The following TJP1 variants were observed in gnomAD, a reference collection of about 807,000 sequenced individuals.
The protein encoded by TJP1 is tight junction protein ZO-1.
In TJP1, 43 loss-of-function variants were observed where a neutral mutation model predicts 194.2. That is an observed-to-expected ratio of 0.22 (90% CI 0.17 to 0.29). The LOEUF (loss-of-function observed/expected upper bound fraction) is 0.29. Ranked by LOEUF, TJP1 falls within the 10% of genes least tolerant of loss-of-function variation. The pLI, the probability that TJP1 is intolerant of heterozygous loss-of-function variation, is 1.00. For synonymous variants in TJP1, 801 were observed against 779.0 expected (o/e 1.03, Z -0.47); for missense variants, 1,971 against 2,185.7 (o/e 0.90, Z 1.96).
Position 29,711,044 on chromosome 15 carries a change from A to G in TJP1, c.4203-44T>C, listed in dbSNP as rs754080704. Reference sequence around the variant, plus strand: ...AATGCCAACACCTGAAAATGGACTCACATTTACAAAACAAGTTCTCATTTC... The same window carrying G: ...AATGCCAACACCTGAAAATGGACTCGCATTTACAAAACAAGTTCTCATTTC... On this transcript the variant is annotated intron_variant, in intron 23 of 27. Coordinates refer to ENST00000614355, the MANE Select transcript of TJP1 (RefSeq NM_001330239.4). 5 of 1,512,468 alleles carry G rather than the reference A, an allele frequency of 3.3e-6. No homozygotes were observed. The South Asian group carries it at 6.8e-5, about 21-fold the overall frequency. 93.7% of individuals were successfully genotyped at this position (1,512,468 alleles called of 1,614,324 possible). A position where few individuals can be genotyped will look rare whatever the true frequency, so the allele number is the denominator to read the frequency against.
chr15:29,736,404 C>T (rs1475663918), intron 11 of TJP1, among the ~76,000 whole-genome samples: 1 of 152,152 alleles, frequency 6.6e-6, no homozygotes, highest in Non-Finnish European at 1.5e-5. Context: ...GAGGCTGAAT[C>T]CAGGACACTG....
At chr15:29,770,316 G>C (rs1041881987) in intron 4 of TJP1, among the ~76,000 whole-genome samples, 5 of 151,686 alleles carry the variant, frequency 3.3e-5, no homozygotes, top group Admixed American at 6.6e-5. Context: ...GGTAGCGGTC[G>C]CCTGTAATCC....
At chr15:29,814,804 C>T (rs1282011933) in intron 1 of TJP1, among the ~76,000 whole-genome samples, 2 of 152,152 alleles carry the variant, frequency 1.3e-5, no homozygotes, top group African/African-American at 4.8e-5. Context: ...ACTCACTTCC[C>T]AGTATTTTCA....
chr15:29,811,812 T>G (rs1175912118), intron 1 of TJP1, among the ~76,000 whole-genome samples: 2 of 152,086 alleles, frequency 1.3e-5, no homozygotes, highest in African/African-American at 4.8e-5. Flanking sequence ...CCACAAAACA[T>G]CTTGCTGGGC....
chr15:29,822,197 A>G lies in TJP1; in HGVS notation c.-169T>C, dbSNP rs1327959981. ...CAGGGGGAGGGAATTCAACTCGGACAAAAGTCCGGGAAGCGCCCGCCCCGC... is the reference window on the plus strand; with the variant it reads ...CAGGGGGAGGGAATTCAACTCGGACGAAAGTCCGGGAAGCGCCCGCCCCGC... On this transcript the variant is annotated 5_prime_UTR_variant, in exon 1 of 28. Coordinates refer to ENST00000614355, the MANE Select transcript of TJP1 (RefSeq NM_001330239.4). 2.5e-5 allele frequency: 30 copies of G among 1,179,216 alleles called. No homozygotes were observed. The highest frequency in any genetic ancestry group is 3.1e-5 in the Non-Finnish European group (30 of 954,128). The allele number at this position is 1,179,216 out of a possible 1,614,324, so 73.0% of individuals were successfully genotyped here.
Position 29,705,605 on chromosome 15 carries a change from G to C in TJP1, c.4991C>G (p.Pro1664Arg), listed in dbSNP as rs1339329686. ...VSIIIPQGAIPEGVEQEIYFK... is the reference protein window; with the variant it reads ...VSIIIPQGAIREGVEQEIYFK... ...ATAGATTTCCTGCTCAACTCCTTCGGGAATGGCTCCTTGAGGGATAATTAT... is the reference window on the plus strand; with the variant it reads ...ATAGATTTCCTGCTCAACTCCTTCGCGAATGGCTCCTTGAGGGATAATTAT... The change falls in exon 26 of 28, where the codon CCC (proline) becomes CGC (arginine). Residue 1664 changes from proline (P) to arginine (R), a missense_variant. By Grantham distance (103) the Pro-to-Arg change is moderately radical. Coordinates refer to ENST00000614355, the MANE Select transcript of TJP1 (RefSeq NM_001330239.4). 2 of 1,614,188 alleles carry C rather than the reference G, an allele frequency of 1.2e-6. No individual in the cohort carries two copies.
intron 2 of TJP1, among the ~76,000 whole-genome samples, chr15:29,899,502 G>C (rs1164411017): frequency 6.6e-6 from 1 of 152,144 alleles, no homozygotes; most frequent in African/African-American, 2.4e-5. Context: ...AAGATGTGGT[G>C]GCAGGGAAAG....
At chr15:29,778,267 T>A (rs973763466) in intron 2 of TJP1, among the ~76,000 whole-genome samples, 1 of 151,908 alleles carries the variant, frequency 6.6e-6, no homozygotes, top group African/African-American at 2.4e-5. Flanking sequence ...TCAAAACTGC[T>A]TGCTGATGCA....
At chr15:29,816,848 AT>A (rs951835469) in intron 1 of TJP1, among the ~76,000 whole-genome samples, 1 of 152,238 alleles carries the variant, frequency 6.6e-6, no homozygotes, top group Admixed American at 6.5e-5. Flanking sequence ...ACCCAAAACC[AT>A]AAAAACCCTA....
intron 2 of TJP1, among the ~76,000 whole-genome samples, chr15:29,949,472 ACCT>A (rs1596310241): frequency 1.1e-5 from 1 of 91,200 alleles, no homozygotes; most frequent in African/African-American, 4.8e-5. Flanking sequence ...CACCACCACC[ACCT>A]CCACAACCAC....
rs529194854 is a variant in TJP1 at position 29,800,875 on chromosome 15, A to T, written c.28-173T>A. On this transcript the variant is annotated intron_variant, in intron 1 of 27. Coordinates refer to ENST00000614355, the MANE Select transcript of TJP1 (RefSeq NM_001330239.4). ...GGAAAGTTTTTTGTTTGCTTTTAAG[A>T]GACAGGAAACGACACACAGGAACTT... Among the ~76,000 whole-genome samples the T allele has an allele frequency of 6.6e-5, 10 of 152,350 alleles. No homozygotes were observed. In the South Asian group the frequency reaches 2.1e-3, roughly 32 times the overall value.
At chr15:29,843,867 T>G (rs962103244) in intron 2 of TJP1, among the ~76,000 whole-genome samples, 1 of 152,038 alleles carries the variant, frequency 6.6e-6, no homozygotes, top group African/African-American at 2.4e-5. Context: ...GTGAGTCACA[T>G]GTACATCCAG....
chr15:29,946,094 A>T (rs1596304079), intron 2 of TJP1, among the ~76,000 whole-genome samples: 1 of 152,218 alleles, frequency 6.6e-6, no homozygotes, highest in East Asian at 1.9e-4. Context: ...ATTGAAAGGG[A>T]CATGTCACAA....
chr15:29,904,115 G>A (rs982418616), intron 2 of TJP1, among the ~76,000 whole-genome samples: 17 of 152,100 alleles, frequency 1.1e-4, no homozygotes, highest in Non-Finnish European at 4.4e-5. Context: ...GATAAAGGAC[G>A]GAGACCAGGG....
intron 2 of TJP1, among the ~76,000 whole-genome samples, chr15:29,894,600 C>T (rs1042087303): frequency 6.6e-6 from 1 of 152,222 alleles, no homozygotes; most frequent in Non-Finnish European, 1.5e-5. Context: ...TTGCTGAGCA[C>T]AGCCCAGAGC....
intron 1 of TJP1, among the ~76,000 whole-genome samples, chr15:29,819,238 T>C (rs1051302866): frequency 6.6e-6 from 1 of 152,216 alleles, no homozygotes; most frequent in African/African-American, 2.4e-5. Context: ...TTTTAAAAAA[T>C]GGATAACCAA....
At chr15:29,742,991 G>T in intron 8 of TJP1, 1 of 375,940 alleles carries the variant, frequency 2.7e-6, no homozygotes, top group Non-Finnish European at 4.6e-6. Flanking sequence ...CGAAAATGAA[G>T]AAATATATCT....
intron 1 of TJP1, among the ~76,000 whole-genome samples, chr15:29,956,718 T>C (rs1567234325): frequency 6.6e-6 from 1 of 151,996 alleles, no homozygotes; most frequent in Non-Finnish European, 1.5e-5. Flanking sequence ...TGCCTCTACA[T>C]ATACACACAC....
chr15:29,773,163 A>G, intron 3 of TJP1, 70 bp downstream of exon 3: 1 of 1,577,406 alleles, frequency 6.3e-7, no homozygotes, highest in Admixed American at 1.7e-5. Context: ...ACAGTGTAAG[A>G]CAGTACGCCA....
Sources: allele counts gnomAD v4.1 joint callset (sites outside exome capture counted in the v4.1 genomes callset), GRCh38; gene constraint gnomAD v4.1.1; transcripts MANE v1.5; gene names NCBI Gene and HGNC (gene_info 2026-07-23, HGNC 2026-07-21).